The following PKHD1L1 variants were observed in gnomAD, a reference collection of about 807,000 sequenced individuals.
The protein encoded by PKHD1L1 is fibrocystin-L.
PKHD1L1 carries 434 observed loss-of-function variants against 462.9 expected under a neutral mutation model. The observed-to-expected ratio is 0.94, with a 90% CI of 0.87 to 1.02. The LOEUF is 1.02. Ranked by LOEUF, PKHD1L1 falls within the 50% of genes least tolerant of loss-of-function variation. PKHD1L1 has a pLI of 0.00. For missense variants in PKHD1L1, 5,202 were observed against 5,096.1 expected, an observed-to-expected ratio of 1.02 and a Z score of -0.63; for synonymous variants, 1,781 against 1,750.0, an observed-to-expected ratio of 1.02 and a Z score of -0.44.
intron 24 of PKHD1L1, among the ~76,000 whole-genome samples, chr8:109,425,554 A>T (rs987070064): frequency 1.3e-5 from 2 of 152,078 alleles, no homozygotes; most frequent in Admixed American, 1.3e-4. Flanking sequence ...AATATTTTTA[A>T]AAGTCTGCAA....
rs1450550881 is a variant in PKHD1L1 at position 109,530,823 on chromosome 8, C to T, written c.*733C>T. Among the ~76,000 whole-genome samples, 1 of 152,126 alleles carries T rather than the reference C, an allele frequency of 6.6e-6. No homozygotes were observed. Among genetic ancestry groups the T allele is most frequent in the African/African-American group, 2.4e-5 (1 of 41,424 alleles). ...GAGCAGGACTCCCCTCAACCCCGGG[C>T]ATGAGTTGAGGGTTGAGGGGTTCCC... On this transcript the variant is annotated 3_prime_UTR_variant, in exon 78 of 78. Transcript: ENST00000378402.
chr8:109,383,849 T>C (rs13260707), intron 4 of PKHD1L1, among the ~76,000 whole-genome samples: 149,619 of 152,182 alleles, frequency 0.98, 73,556 homozygotes, highest in East Asian at 1. Flanking sequence ...TTGGTTTCTC[T>C]CTCCCTTCTC....
At position 109,508,977 on chromosome 8, in the gene PKHD1L1, G is replaced by A. The variant is rs544270117; in HGVS notation, c.11395+713G>A. On this transcript the variant is annotated intron_variant, in intron 70 of 77. Coordinates refer to ENST00000378402, the MANE Select transcript of PKHD1L1 (RefSeq NM_177531.6). ...GTATATCCTTGAAATGACACCAGGG[G>A]CTCAAAACTTAGTCCCTAAACAGGC... Among the ~76,000 whole-genome samples the A allele has an allele frequency of 2.0e-5, 3 of 152,184 alleles. No homozygotes were observed. In the South Asian group the frequency reaches 6.2e-4, roughly 32 times the overall value.
intron 46 of PKHD1L1, among the ~76,000 whole-genome samples, chr8:109,457,428 G>C (rs1261689841): frequency 6.6e-6 from 1 of 152,134 alleles, no homozygotes; most frequent in Non-Finnish European, 1.5e-5. Context: ...TGAAATGAAA[G>C]GGTTTAGAAT....
At chr8:109,364,433 C>T (rs1350300825) in intron 1 of PKHD1L1, 114 bp from the exon 2 acceptor site, 1 of 764,006 alleles carries the variant, frequency 1.3e-6, no homozygotes, top group South Asian at 1.7e-5. Context: ...TACTTTCAAT[C>T]CTGTAAACTT....
intron 51 of PKHD1L1, among the ~76,000 whole-genome samples, chr8:109,475,558 TATCTC>T (rs1350894509): frequency 6.6e-6 from 1 of 152,076 alleles, no homozygotes; most frequent in Non-Finnish European, 1.5e-5. Flanking sequence ...GAGTTTATGA[TATCTC>T]AGGGACCAGC....
chr8:109,518,996 A>C (rs1189124461), intron 73 of PKHD1L1, among the ~76,000 whole-genome samples: 1 of 152,100 alleles, frequency 6.6e-6, no homozygotes, highest in East Asian at 1.9e-4. Flanking sequence ...CTAGATGTGG[A>C]AAGCTTTGGA....
intron 21 of PKHD1L1, among the ~76,000 whole-genome samples, chr8:109,414,429 T>C (rs1445003329): frequency 6.6e-6 from 1 of 152,154 alleles, no homozygotes; most frequent in Non-Finnish European, 1.5e-5. Context: ...TTTTCTTTCA[T>C]ATAAAGTTTT....
rs112339139 is a variant in PKHD1L1 at position 109,517,307 on chromosome 8, G to A, written c.11690-860G>A. ...TACATATTTTGGGAGTTACCCAAAT[G>A]TTTATGATCTTTGTCTCTGCTCCTT... On this transcript the variant is annotated intron_variant, in intron 72 of 77. Coordinates refer to ENST00000378402, the MANE Select transcript of PKHD1L1 (RefSeq NM_177531.6). Among the ~76,000 whole-genome samples the A allele has an allele frequency of 4.8e-3, 733 of 152,190 alleles. 5 individuals are homozygous for A. Among genetic ancestry groups the A allele is most frequent in the African/African-American group, 0.017 (697 of 41,552 alleles).
At chr8:109,503,702 G>T (rs1301889495) in intron 67 of PKHD1L1, among the ~76,000 whole-genome samples, 1 of 152,082 alleles carries the variant, frequency 6.6e-6, no homozygotes, top group Non-Finnish European at 1.5e-5. Context: ...ATCTTAGCTG[G>T]ATAACAAACA....
In PKHD1L1 at chr8:109,459,630, C is replaced by T; in HGVS notation, c.7040C>T (p.Ala2347Val). 3 of 1,585,392 alleles carry T rather than the reference C, an allele frequency of 1.9e-6. No homozygotes were observed. Among genetic ancestry groups the T allele is most frequent in the Non-Finnish European group, 2.6e-6 (3 of 1,164,524 alleles). ...GGAGAGAATGAAAAAATGACCATTG[C>T]ATCTGTGTCTGCTGATGGCATAAAC... Reference protein sequence around the residue: ...SQGENEKMTIASVSADGINIT... With the variant: ...SQGENEKMTIVSVSADGINIT... Residue 2347 changes from alanine to valine, a missense_variant, in exon 47 of 78, where the codon GCA becomes GTA. By Grantham distance (64) the Ala-to-Val change is moderately conservative. Coordinates refer to ENST00000378402, the MANE Select transcript of PKHD1L1 (RefSeq NM_177531.6).
chr8:109,441,840 T>C (rs1815811179), intron 34 of PKHD1L1, among the ~76,000 whole-genome samples, 167 bp from the exon 35 acceptor site: 1 of 152,184 alleles, frequency 6.6e-6, no homozygotes, highest in Non-Finnish European at 1.5e-5. Flanking sequence ...TTGCTTTCCA[T>C]TATTTCTATT....
In PKHD1L1 at chr8:109,448,192, G is replaced by A; in HGVS notation, c.5826G>A (p.Glu1942=). The A allele has an allele frequency of 1.9e-6, 3 of 1,611,424 alleles. No individual in the cohort carries two copies. The highest frequency in any genetic ancestry group is 2.5e-6 in the Non-Finnish European group (3 of 1,178,836). Residue 1942 remains glutamate (E), a synonymous_variant, in exon 39 of 78, where the codon GAG becomes GAA. Coordinates refer to ENST00000378402, the MANE Select transcript of PKHD1L1 (RefSeq NM_177531.6). ...TCACTGGATCCAACTTTGGCTTTGA[G>A]ATCTTGGAAATCTCCGTGATGATAA... is the stretch of plus-strand genomic sequence containing the variant. ...IEITGSNFGF[E]ILEISVMINN... is the part of the protein sequence containing the mutation.
chr8:109,484,686 C>CA (rs528828381), intron 57 of PKHD1L1, among the ~76,000 whole-genome samples: 5 of 151,784 alleles, frequency 3.3e-5, no homozygotes, highest in African/African-American at 1.2e-4. Context: ...AACAAACAAA[C>CA]AAAAAACTAG....
At chr8:109,375,898 T>C (rs1366154962) in intron 2 of PKHD1L1, among the ~76,000 whole-genome samples, 2 of 152,188 alleles carry the variant, frequency 1.3e-5, no homozygotes, top group Non-Finnish European at 2.9e-5. Context: ...ATGTGAGGTG[T>C]CAGTCCGCCC....
At chr8:109,441,980 A>G (rs1462535038) in intron 34 of PKHD1L1, 27 bp from the exon 35 acceptor site, 22 of 1,503,346 alleles carry the variant, frequency 1.5e-5, no homozygotes, top group South Asian at 4.3e-5. Context: ...TTTTTCTTTT[A>G]AAATATTACT....
At chr8:109,441,957 T>C (rs772328038) in intron 34 of PKHD1L1, 50 bp from the exon 35 acceptor site, 1 of 1,434,212 alleles carries the variant, frequency 7.0e-7, no homozygotes, top group Non-Finnish European at 9.2e-7. Flanking sequence ...AAGATAATTA[T>C]TAAGAAATTC....
chr8:109,454,918 T>C, intron 45 of PKHD1L1, 66 bp downstream of exon 45: 1 of 1,504,810 alleles, frequency 6.6e-7, no homozygotes, highest in East Asian at 2.3e-5. Context: ...GGGATAATTA[T>C]CCTGTGATAA....
rs986898984 is a variant in PKHD1L1, at chr8:109,533,215, G to T, written c.*3125G>T. Among the ~76,000 whole-genome samples the T allele has an allele frequency of 6.6e-6, 1 of 152,156 alleles. No individual in the cohort carries two copies. The highest frequency in any genetic ancestry group is 1.5e-5 in the Non-Finnish European group (1 of 68,030). ...TTGGTTTCTACTTTACCACTTCTATGCCCTCAGGCAAGTTCTTAGTTTCCA... is the reference window on the plus strand; with the variant it reads ...TTGGTTTCTACTTTACCACTTCTATTCCCTCAGGCAAGTTCTTAGTTTCCA... On this transcript the variant is annotated 3_prime_UTR_variant, in exon 78 of 78. Coordinates refer to ENST00000378402, the MANE Select transcript of PKHD1L1 (RefSeq NM_177531.6).
Sources: allele counts gnomAD v4.1 joint callset (sites outside exome capture counted in the v4.1 genomes callset), GRCh38; gene constraint gnomAD v4.1.1; transcripts MANE v1.5; gene names NCBI Gene and HGNC (gene_info 2026-07-23, HGNC 2026-07-21).